The following MIPOL1 variants were observed in gnomAD, a reference collection of about 807,000 sequenced individuals.
MIPOL1 encodes the protein mirror-image polydactyly gene 1 protein.
A neutral mutation model predicts 60.9 loss-of-function variants in MIPOL1; 57 were observed. The observed-to-expected ratio is 0.94, with a 90% CI of 0.76 to 1.17. The LOEUF (loss-of-function observed/expected upper bound fraction) is 1.17. MIPOL1 is among the 50% of genes most tolerant of loss of function. MIPOL1 has a pLI of 0.00. For synonymous variants in MIPOL1, 179 were observed against 168.8 expected (o/e 1.06, Z -0.47); for missense variants, 551 against 511.6 (o/e 1.08, Z -0.74).
chr14:37,410,278 A>T (rs2093659591), intron 10 of MIPOL1, among the ~76,000 whole-genome samples: 1 of 152,194 alleles, frequency 6.6e-6, no homozygotes, highest in Non-Finnish European at 1.5e-5. Context: ...TAATGGGTGC[A>T]GCATACCAGC....
At chr14:37,302,135 T>C (rs1336386904) in intron 7 of MIPOL1, among the ~76,000 whole-genome samples, 4 of 148,030 alleles carry the variant, frequency 2.7e-5, no homozygotes, top group African/African-American at 9.9e-5. Context: ...TACTGCTGAA[T>C]CATAAGTTAA....
At chr14:37,516,497 G>A (rs930338166) in intron 12 of MIPOL1, among the ~76,000 whole-genome samples, 3 of 151,978 alleles carry the variant, frequency 2.0e-5, no homozygotes, top group African/African-American at 7.2e-5. Context: ...AATATATGTT[G>A]CCATTCTCAA....
At chr14:37,211,359 C>G (rs867083333) in intron 1 of MIPOL1, among the ~76,000 whole-genome samples, 1 of 152,166 alleles carries the variant, frequency 6.6e-6, no homozygotes, top group African/African-American at 2.4e-5. Context: ...CACTGCTTCC[C>G]CACTCCCAGC....
rs767543881 is a variant in MIPOL1, at chr14:37,273,127, ATAAT to A, written c.493+2606_493+2609del. Among the ~76,000 whole-genome samples the A allele has an allele frequency of 5.3e-5, 8 of 151,268 alleles. No homozygotes were observed. In the East Asian group the frequency reaches 7.7e-4, roughly 15 times the overall value. ...CATTTATAATTTGAGACATTTTGTA[ATAAT>A]TAAGAATATTTGAGGATATGAGAAA... On this transcript the variant is annotated intron_variant, in intron 6 of 12. Coordinates refer to ENST00000684589, the MANE Select transcript of MIPOL1 (RefSeq NM_001388067.1).
chr14:37,346,961 C>T (rs73264014), intron 9 of MIPOL1, among the ~76,000 whole-genome samples: 11,059 of 152,140 alleles, frequency 0.073, 1,355 homozygotes, highest in African/African-American at 0.25. Flanking sequence ...ATAGTGAACA[C>T]ATTACATAAC....
At chr14:37,390,261 G>C (rs1674677369) in intron 10 of MIPOL1, among the ~76,000 whole-genome samples, 1 of 151,788 alleles carries the variant, frequency 6.6e-6, no homozygotes, top group African/African-American at 2.4e-5. Context: ...GAGGCTAACT[G>C]ACCCCCATAT....
At chr14:37,211,229 A>G (rs1289731562) in intron 1 of MIPOL1, among the ~76,000 whole-genome samples, 1 of 139,362 alleles carries the variant, frequency 7.2e-6, no homozygotes, top group Non-Finnish European at 1.5e-5. Context: ...AACTATCTAC[A>G]CAGAAAAAAA....
chr14:37,211,839 C>T (rs749469461), intron 1 of MIPOL1, among the ~76,000 whole-genome samples: 6 of 151,536 alleles, frequency 4.0e-5, no homozygotes, highest in East Asian at 2.0e-4. Flanking sequence ...AGGAGAGGGA[C>T]GAGTGGGGAG....
intron 9 of MIPOL1, among the ~76,000 whole-genome samples, chr14:37,312,717 C>T (rs1567415850): frequency 6.6e-6 from 1 of 152,026 alleles, no homozygotes. Flanking sequence ...TAAAGTCTTT[C>T]ATATAATTAA....
chr14:37,445,084 G>A (rs2094311603), intron 11 of MIPOL1, among the ~76,000 whole-genome samples: 1 of 152,116 alleles, frequency 6.6e-6, no homozygotes, highest in Non-Finnish European at 1.5e-5. Context: ...AGGTCAATTA[G>A]GCAGGAGAAG....
chr14:37,310,132 C>T (rs1481405674), intron 9 of MIPOL1, among the ~76,000 whole-genome samples: 2 of 152,094 alleles, frequency 1.3e-5, no homozygotes, highest in Non-Finnish European at 2.9e-5. Flanking sequence ...AATATACCCT[C>T]ATTTCTCTTT....
At chr14:37,442,997 G>T (rs1277051616) in intron 11 of MIPOL1, among the ~76,000 whole-genome samples, 3 of 152,052 alleles carry the variant, frequency 2.0e-5, no homozygotes, top group Non-Finnish European at 4.4e-5. Context: ...GGAAATGAAA[G>T]AAATCCAGAA....
At chr14:37,439,696 C>A (rs945262159) in intron 11 of MIPOL1, among the ~76,000 whole-genome samples, 4 of 152,048 alleles carry the variant, frequency 2.6e-5, no homozygotes, top group African/African-American at 7.2e-5. Context: ...CGTGCACATA[C>A]CCCCACTCTC....
At chr14:37,405,929 T>C (rs2093579695) in intron 10 of MIPOL1, among the ~76,000 whole-genome samples, 1 of 151,842 alleles carries the variant, frequency 6.6e-6, no homozygotes, top group African/African-American at 2.4e-5. Flanking sequence ...TCATGGCTGT[T>C]TTTTCAAGTC....
chr14:37,486,056 C>T (rs886779669), intron 11 of MIPOL1, among the ~76,000 whole-genome samples: 5 of 152,146 alleles, frequency 3.3e-5, no homozygotes, highest in African/African-American at 1.2e-4. Flanking sequence ...ATATGGCTAG[C>T]CAGTTTTCTT....
In MIPOL1 at chr14:37,267,002, G is replaced by A; in HGVS notation, c.84G>A (p.Glu28=). 2 of 1,613,812 alleles carry A rather than the reference G, an allele frequency of 1.2e-6. No individual in the cohort carries two copies. The highest frequency in any genetic ancestry group is 1.7e-4 in the Middle Eastern group (1 of 6,060). ...TAAATAAAAGTACGCAGCCAGATGAGCAACTGACTATGAATTCTGAGAAAA... is the reference window on the plus strand; with the variant it reads ...TAAATAAAAGTACGCAGCCAGATGAACAACTGACTATGAATTCTGAGAAAA... ...TGINKSTQPD[E]QLTMNSEKSM... Residue 28 remains glutamate (E), a synonymous_variant, in exon 4 of 13, where the codon GAG becomes GAA. Transcript: ENST00000684589.
At chr14:37,337,386 T>G (rs1247360336) in intron 9 of MIPOL1, among the ~76,000 whole-genome samples, 1 of 94,792 alleles carries the variant, frequency 1.1e-5, no homozygotes, top group Non-Finnish European at 2.1e-5. Context: ...TTTTTTTTTT[T>G]GAGACAGAGT....
intron 9 of MIPOL1, among the ~76,000 whole-genome samples, chr14:37,322,333 C>T (rs1158190459): frequency 6.6e-6 from 1 of 151,926 alleles, no homozygotes; most frequent in Non-Finnish European, 1.5e-5. Flanking sequence ...TCCTCATGCC[C>T]TATCCAATCA....
chr14:37,453,689 C>A (rs1264284482), intron 11 of MIPOL1, among the ~76,000 whole-genome samples: 1 of 152,096 alleles, frequency 6.6e-6, no homozygotes, highest in Admixed American at 6.6e-5. Context: ...TTAATATTAT[C>A]TACACATTTG....
Sources: allele counts gnomAD v4.1 joint callset (sites outside exome capture counted in the v4.1 genomes callset), GRCh38; gene constraint gnomAD v4.1.1; transcripts MANE v1.5; gene names NCBI Gene and HGNC (gene_info 2026-07-23, HGNC 2026-07-21).